Variants in DTHD1 observed in about 807,000 individuals in gnomAD.
DTHD1 encodes the protein death domain containing 1.
Under a neutral mutation model 74.8 loss-of-function variants are expected in DTHD1, and 59 were observed. The ratio of observed to expected loss-of-function variants is 0.79; its 90% CI spans 0.64 to 0.98. DTHD1 has a LOEUF of 0.98. DTHD1 is among the 50% of genes least tolerant of loss of function. The probability of loss-of-function intolerance (pLI) is 0.00; values close to 1 mark genes in which losing one functional copy is unlikely to be tolerated. For synonymous variants in DTHD1, 365 were observed against 371.1 expected, an observed-to-expected ratio of 0.98 and a Z score of 0.19; for missense variants, 1,051 against 1,065.4, an observed-to-expected ratio of 0.99 and a Z score of 0.19.
intron 2 of DTHD1, among the ~76,000 whole-genome samples, chr4:36,285,913 T>G (rs1012538972): frequency 6.6e-6 from 1 of 152,190 alleles, no homozygotes; most frequent in African/African-American, 2.4e-5. Flanking sequence ...ACTCTCACTT[T>G]CTTCACCTGT....
chr4:36,330,026 A>G (rs1758577038), intron 8 of DTHD1, among the ~76,000 whole-genome samples: 1 of 152,224 alleles, frequency 6.6e-6, no homozygotes, highest in South Asian at 2.1e-4. Context: ...ATTAAGTAAT[A>G]ACTGGTACTA....
chr4:36,326,156 A>T (rs1758331304), intron 8 of DTHD1, among the ~76,000 whole-genome samples: 2 of 152,194 alleles, frequency 1.3e-5, no homozygotes, highest in East Asian at 3.9e-4. Context: ...TTGTGACAGC[A>T]ATGACTCCAC....
chr4:36,306,151 T>C (rs1485388868), intron 5 of DTHD1, 40 bp from the exon 6 acceptor site: 3 of 1,498,790 alleles, frequency 2.0e-6, no homozygotes, highest in African/African-American at 1.4e-5. Context: ...ATTTATATCA[T>C]GTAAATTGTA....
intron 9 of DTHD1, 45 bp downstream of exon 9, chr4:36,339,214 C>A: frequency 7.4e-7 from 1 of 1,343,634 alleles, no homozygotes; most frequent in Non-Finnish European, 1.0e-6. Flanking sequence ...TTCCCCACCC[C>A]CTTATATGTT....
chr4:36,290,494 G>C lies in DTHD1; in HGVS notation c.1009G>C (p.Gly337Arg), dbSNP rs774590229. The C allele has an allele frequency of 1.3e-6, 2 of 1,551,580 alleles. No individual in the cohort carries two copies. The highest frequency in any genetic ancestry group is 1.7e-6 in the Non-Finnish European group (2 of 1,146,960). ...AAATCACATGAGTTCTTTAATAGTG[G>C]GTGATAATGAAGAGTTAGTTAGCAA... The part of the protein sequence containing the change: ...IINHMSSLIV[G>R]DNEELVSNVI... The change falls in exon 3 of 10, where the codon GGT becomes CGT. Residue 337 changes from glycine to arginine, a missense_variant. Physicochemically the swap from Gly to Arg is moderately radical, Grantham distance 125. Coordinates refer to ENST00000639862, the MANE Select transcript of DTHD1 (RefSeq NM_001170700.3).
At chr4:36,334,699 T>G (rs1758905995) in intron 8 of DTHD1, among the ~76,000 whole-genome samples, 1 of 152,148 alleles carries the variant, frequency 6.6e-6, no homozygotes, top group Non-Finnish European at 1.5e-5. Flanking sequence ...ACTAAACGCC[T>G]CGTGAGAGAG....
intron 9 of DTHD1, 136 bp downstream of exon 9, chr4:36,339,305 T>A (rs1247430919): frequency 1.8e-6 from 1 of 563,140 alleles, no homozygotes; most frequent in African/African-American, 1.9e-5. Context: ...ATTGGCCTAA[T>A]AAATACTTAT....
intron 5 of DTHD1, among the ~76,000 whole-genome samples, chr4:36,302,307 A>G (rs141265419): frequency 1.3e-3 from 203 of 152,302 alleles, no homozygotes; most frequent in Admixed American, 2.8e-3. Flanking sequence ...AGGACTACTT[A>G]GATTATGTAG....
chr4:36,285,529 T>C (rs2109440691), intron 2 of DTHD1, among the ~76,000 whole-genome samples: 1 of 152,194 alleles, frequency 6.6e-6, no homozygotes, highest in South Asian at 2.1e-4. Flanking sequence ...GAAAGACCAA[T>C]CTATTTTATA....
At chr4:36,324,871 G>C (rs1377801883) in intron 8 of DTHD1, among the ~76,000 whole-genome samples, 2 of 152,188 alleles carry the variant, frequency 1.3e-5, no homozygotes, top group Admixed American at 1.3e-4. Flanking sequence ...TTCAGAGAAG[G>C]GGGTGAACGC....
At position 36,344,958 on chromosome 4, in the gene DTHD1, A is replaced by C. The variant is rs1198829548; in HGVS notation, c.*1134A>C. On this transcript the variant is annotated 3_prime_UTR_variant, in exon 10 of 10. Coordinates refer to ENST00000639862, the MANE Select transcript of DTHD1 (RefSeq NM_001170700.3). The stretch of plus-strand genomic sequence containing the variant: ...CCTTTCTAAGCTCGAAATAAATTAA[A>C]AATAGAATAACACTTCAGCCATTTA... The C allele has an allele frequency of 6.6e-6, 1 of 152,190 alleles. No individual in the cohort carries two copies. Among genetic ancestry groups the C allele is most frequent in the Non-Finnish European group, 1.5e-5 (1 of 68,024 alleles). The allele number at this position is 152,190 out of a possible 1,614,324, so 9.4% of individuals were successfully genotyped here. A position where few individuals can be genotyped will look rare whatever the true frequency, so the allele number is the denominator to read the frequency against.
At chr4:36,341,038 T>C (rs1244710016) in intron 9 of DTHD1, among the ~76,000 whole-genome samples, 6 of 151,902 alleles carry the variant, frequency 3.9e-5, no homozygotes, top group South Asian at 4.2e-4. Context: ...TGAGTAGAAG[T>C]AGGAGGCCTC....
intron 6 of DTHD1, 117 bp downstream of exon 6, chr4:36,306,469 A>C: frequency 1.8e-6 from 2 of 1,137,426 alleles, no homozygotes; most frequent in Non-Finnish European, 2.4e-6. Flanking sequence ...AATATTAACC[A>C]TTCTTTAAAG....
At chr4:36,284,994 G>C (rs779461866) in intron 2 of DTHD1, among the ~76,000 whole-genome samples, 1 of 152,090 alleles carries the variant, frequency 6.6e-6, no homozygotes, top group Admixed American at 6.5e-5. Flanking sequence ...CATGAATTTT[G>C]AGGAGACACA....
chr4:36,347,353 CATT>C lies in DTHD1; in HGVS notation c.*3531_*3533del, dbSNP rs1194927451. ...GCTGTGTGTGGCAATGGTTCATTCT[CATT>C]AATGTATAATATTCTATTATATGCA... On this transcript the variant is annotated 3_prime_UTR_variant, in exon 10 of 10. Coordinates refer to ENST00000639862, the MANE Select transcript of DTHD1 (RefSeq NM_001170700.3). 6.6e-6 allele frequency among the ~76,000 whole-genome samples: 1 copy of C among 152,044 alleles called. No individual in the cohort carries two copies. Among genetic ancestry groups the C allele is most frequent in the Non-Finnish European group, 1.5e-5 (1 of 67,984 alleles).
chr4:36,282,013 A>G lies in DTHD1; in HGVS notation c.255A>G (p.Gln85=). ...ATGTGCTGCTTGACAAAGAGAATCA[A>G]TGTGTCTCGAGAAAAGGCAAGTATT... The part of the protein sequence containing the change: ...QLHVLLDKEN[Q]CVSRKEIITF... The change falls in exon 1 of 10, where the codon CAA becomes CAG. Residue 85 remains glutamine (Q), a synonymous_variant. Transcript: ENST00000639862. 6.6e-7 allele frequency: 1 copy of G among 1,525,096 alleles called. No homozygotes were observed. The highest frequency in any genetic ancestry group is 8.8e-7 in the Non-Finnish European group (1 of 1,132,772). 94.5% of individuals were successfully genotyped at this position (1,525,096 alleles called of 1,614,324 possible).
At chr4:36,294,680 T>C (rs1165623815) in intron 4 of DTHD1, 115 bp from the exon 5 acceptor site, 2 of 962,036 alleles carry the variant, frequency 2.1e-6, no homozygotes, top group Admixed American at 3.6e-5. Flanking sequence ...TAACAATACA[T>C]AGAGAAATGT....
rs1023205453 is a variant in DTHD1 at position 36,345,577 on chromosome 4, C to G, written c.*1753C>G. ...AGGTATATATCAAAAAAGGCGATTCCCATTTTCAAACATAGTCCCATAAAG... is the reference window on the plus strand; with the variant it reads ...AGGTATATATCAAAAAAGGCGATTCGCATTTTCAAACATAGTCCCATAAAG... On this transcript the variant is annotated 3_prime_UTR_variant, in exon 10 of 10. Coordinates refer to ENST00000639862, the MANE Select transcript of DTHD1 (RefSeq NM_001170700.3). 1.3e-5 allele frequency: 2 copies of G among 152,064 alleles called. No individual in the cohort carries two copies. The highest frequency in any genetic ancestry group is 4.8e-5 in the African/African-American group (2 of 41,394). 9.4% of individuals were successfully genotyped at this position (152,064 alleles called of 1,614,324 possible).
intron 9 of DTHD1, among the ~76,000 whole-genome samples, chr4:36,342,008 C>G (rs566031490): frequency 3.3e-5 from 5 of 152,144 alleles, no homozygotes; most frequent in Non-Finnish European, 7.4e-5. Context: ...GCATGAAACA[C>G]GAAGATTGGC....
Sources: allele counts gnomAD v4.1 joint callset (sites outside exome capture counted in the v4.1 genomes callset), GRCh38; gene constraint gnomAD v4.1.1; transcripts MANE v1.5; gene names NCBI Gene and HGNC (gene_info 2026-07-23, HGNC 2026-07-21).